Variants in ZCWPW2 observed in about 807,000 individuals in gnomAD.
ZCWPW2 encodes zinc finger CW-type and PWWP domain containing 2.
Under a neutral mutation model 46.6 loss-of-function variants are expected in ZCWPW2, and 45 were observed. The observed-to-expected ratio is 0.96, with a 90% CI of 0.76 to 1.24. ZCWPW2 has a LOEUF of 1.24. ZCWPW2 is among the 50% of genes most tolerant of loss of function. The probability of loss-of-function intolerance (pLI) is 0.00; values close to 1 mark genes in which losing one functional copy is unlikely to be tolerated. For synonymous variants in ZCWPW2, 152 were observed against 137.1 expected (o/e 1.11, Z -0.76); for missense variants, 429 against 403.9 (o/e 1.06, Z -0.53).
chr3:28,523,684 A>G (rs1353880222), intron 9 of ZCWPW2, among the ~76,000 whole-genome samples: 2 of 152,136 alleles, frequency 1.3e-5, no homozygotes, highest in Non-Finnish European at 2.9e-5. Context: ...GATGAGAGTA[A>G]AAACATGGAA....
chr3:28,497,847 G>A (rs905906320), intron 6 of ZCWPW2, among the ~76,000 whole-genome samples: 5 of 152,060 alleles, frequency 3.3e-5, no homozygotes, highest in Admixed American at 2.6e-4. Context: ...TGATAGAGGT[G>A]TGTAGTACAC....
intron 4 of ZCWPW2, among the ~76,000 whole-genome samples, chr3:28,474,394 A>C (rs1347899139): frequency 6.6e-6 from 1 of 152,204 alleles, no homozygotes; most frequent in African/African-American, 2.4e-5. Context: ...TCAAGTGGGC[A>C]AAATGACATA....
chr3:28,467,522 C>T (rs914146445), intron 4 of ZCWPW2, among the ~76,000 whole-genome samples: 1 of 152,156 alleles, frequency 6.6e-6, no homozygotes, highest in African/African-American at 2.4e-5. Flanking sequence ...GTAGTGGTTA[C>T]AGTGGGCCTT....
intron 1 of ZCWPW2, among the ~76,000 whole-genome samples, chr3:28,382,162 C>CAAAAA (rs1237903671): frequency 1.2e-5 from 1 of 81,376 alleles, no homozygotes; most frequent in Non-Finnish European, 2.5e-5. Context: ...AACTGCATCT[C>CAAAAA]AAAAAAAAAA....
chr3:28,455,139 A>G (rs1698377570), intron 4 of ZCWPW2, among the ~76,000 whole-genome samples: 1 of 152,176 alleles, frequency 6.6e-6, no homozygotes, highest in Non-Finnish European at 1.5e-5. Flanking sequence ...CAACCTCACC[A>G]GCATCTGTTA....
intron 3 of ZCWPW2, among the ~76,000 whole-genome samples, chr3:28,413,756 T>C (rs1178845598): frequency 6.6e-6 from 1 of 152,096 alleles, no homozygotes; most frequent in African/African-American, 2.4e-5. Flanking sequence ...TAGAAGTGTG[T>C]CTTTAAATTA....
Position 28,390,591 on chromosome 3 carries a change from C to T in ZCWPW2, c.-40C>T. On this transcript the variant is annotated 5_prime_UTR_variant, in exon 2 of 10. Coordinates refer to ENST00000383768, the MANE Select transcript of ZCWPW2 (RefSeq NM_001040432.4). ...AGTCTATTTTCTTCATGGAATTTTG[C>T]TAGGAACAAAAGAAAAGTCTAACTC... is the stretch of plus-strand genomic sequence containing the variant. The T allele has an allele frequency of 3.0e-6, 3 of 985,284 alleles. No homozygotes were observed. The highest frequency in any genetic ancestry group is 3.6e-6 in the Non-Finnish European group (3 of 829,902). 61.0% of individuals were successfully genotyped at this position (985,284 alleles called of 1,614,324 possible).
chr3:28,400,447 A>G (rs1230434131), intron 2 of ZCWPW2, among the ~76,000 whole-genome samples: 2 of 152,214 alleles, frequency 1.3e-5, no homozygotes, highest in Non-Finnish European at 2.9e-5. Flanking sequence ...GAATACCTGC[A>G]AAATTCATCA....
intron 1 of ZCWPW2, among the ~76,000 whole-genome samples, chr3:28,375,751 T>TG (rs397942539): frequency 1.3e-5 from 2 of 150,934 alleles, no homozygotes; most frequent in Non-Finnish European, 2.9e-5. Context: ...TTTTTTTTTT[T>TG]GTGCTCATTA....
intron 6 of ZCWPW2, 55 bp from the exon 7 acceptor site, chr3:28,514,009 C>A: frequency 7.3e-7 from 1 of 1,375,652 alleles, no homozygotes; most frequent in Non-Finnish European, 9.7e-7. Flanking sequence ...CATTATTTTA[C>A]TGAGCTGATT....
chr3:28,444,918 T>G (rs1697925514), intron 4 of ZCWPW2, among the ~76,000 whole-genome samples: 1 of 152,054 alleles, frequency 6.6e-6, no homozygotes, highest in South Asian at 2.1e-4. Flanking sequence ...GTCAAATGCA[T>G]TTATTTGGCT....
At position 28,524,621 on chromosome 3, in the gene ZCWPW2, C is replaced by G; in HGVS notation, c.1004C>G (p.Ala335Gly). ...YLVIDGIKLK[A>G]GECIEDITNK... ...GTAATTGATGGGATAAAATTAAAAG[C>G]TGGAGAATGTATTGAGGATATAACT... Residue 335 changes from alanine (A) to glycine (G), a missense_variant, in exon 10 of 10, where the codon GCT (alanine) becomes GGT (glycine). Transcript: ENST00000383768. The G allele has an allele frequency of 6.2e-7, 1 of 1,607,058 alleles. No homozygotes were observed. Among genetic ancestry groups the G allele is most frequent in the Non-Finnish European group, 8.5e-7 (1 of 1,176,172 alleles).
At chr3:28,368,743 C>G (rs1242518574) in intron 1 of ZCWPW2, among the ~76,000 whole-genome samples, 1 of 152,192 alleles carries the variant, frequency 6.6e-6, no homozygotes, top group Non-Finnish European at 1.5e-5. Flanking sequence ...GGATAATATC[C>G]CGCAGAGTGT....
intron 2 of ZCWPW2, among the ~76,000 whole-genome samples, chr3:28,397,628 T>C (rs1444228905): frequency 1.3e-5 from 2 of 152,050 alleles, no homozygotes; most frequent in African/African-American, 4.8e-5. Context: ...CAAGATAGCA[T>C]CACTGCACTC....
At chr3:28,507,887 T>C (rs528653675) in intron 6 of ZCWPW2, among the ~76,000 whole-genome samples, 12 of 152,202 alleles carry the variant, frequency 7.9e-5, no homozygotes, top group Non-Finnish European at 1.2e-4. Context: ...AAAAACCCTG[T>C]AGATTCAGCA....
At chr3:28,388,142 C>G (rs923210404) in intron 1 of ZCWPW2, among the ~76,000 whole-genome samples, 3 of 152,080 alleles carry the variant, frequency 2.0e-5, no homozygotes, top group Non-Finnish European at 4.4e-5. Flanking sequence ...TTATTAAGGT[C>G]TTCAACTGAA....
intron 2 of ZCWPW2, among the ~76,000 whole-genome samples, chr3:28,399,666 G>A (rs1164141702): frequency 2.6e-5 from 4 of 152,322 alleles, no homozygotes; most frequent in Non-Finnish European, 5.9e-5. Flanking sequence ...TGGGTGGCTA[G>A]ATCCAGAAGA....
At chr3:28,478,094 T>C (rs1364973313) in intron 4 of ZCWPW2, among the ~76,000 whole-genome samples, 1 of 152,214 alleles carries the variant, frequency 6.6e-6, no homozygotes, top group Non-Finnish European at 1.5e-5. Flanking sequence ...TTATTTTATT[T>C]CATACTCATG....
intron 1 of ZCWPW2, among the ~76,000 whole-genome samples, chr3:28,387,846 A>G (rs555829497): frequency 5.3e-5 from 8 of 152,178 alleles, no homozygotes; most frequent in Non-Finnish European, 1.2e-4. Flanking sequence ...AAGAGTGTGC[A>G]ATAAAGAAGG....
Sources: gnomAD v4.1 joint callset for allele counts (sites outside exome capture counted in the v4.1 genomes callset) on GRCh38, gnomAD v4.1.1 for gene constraint, MANE v1.5 for transcripts, NCBI Gene and HGNC (gene_info 2026-07-23, HGNC 2026-07-21) for gene names.